PPFIA1: variants seen among roughly 807,000 people sequenced by gnomAD.
PPFIA1 encodes liprin-alpha-1.
PPFIA1 carries 25 observed loss-of-function variants against 149.9 expected under a neutral mutation model. That is an observed-to-expected ratio of 0.17 (90% CI 0.12 to 0.23). The LOEUF (loss-of-function observed/expected upper bound fraction) is 0.23. Ranked by LOEUF, PPFIA1 falls within the 10% of genes least tolerant of loss-of-function variation. PPFIA1 has a pLI of 1.00. For synonymous variants in PPFIA1, 549 were observed against 552.8 expected, an observed-to-expected ratio of 0.99 and a Z score of 0.10; for missense variants, 1,362 against 1,506.5, an observed-to-expected ratio of 0.90 and a Z score of 1.59.
chr11:70,304,246 AG>A (rs1340070751), intron 2 of PPFIA1, among the ~76,000 whole-genome samples: 1 of 152,092 alleles, frequency 6.6e-6, no homozygotes, highest in African/African-American at 2.4e-5. Flanking sequence ...GTGCCCTCAG[AG>A]GGCATGGAAG....
In PPFIA1 at chr11:70,292,800, C is replaced by T. The variant is rs115397095; in HGVS notation, c.264+20364C>T. Among the ~76,000 whole-genome samples the T allele has an allele frequency of 6.0e-3, 913 of 152,276 alleles. 10 individuals are homozygous for T. Among genetic ancestry groups the T allele is most frequent in the African/African-American group, 0.02 (825 of 41,556 alleles). On this transcript the variant is annotated intron_variant, in intron 2 of 27. Coordinates refer to ENST00000253925, the MANE Select transcript of PPFIA1 (RefSeq NM_003626.5). ...TACATGGTAGAGGCTGTATTTGAAT[C>T]CAAGCAGTCTGACTCCAGAGTTCTT...
At chr11:70,293,489 A>G (rs1349284417) in intron 2 of PPFIA1, among the ~76,000 whole-genome samples, 1 of 152,214 alleles carries the variant, frequency 6.6e-6, no homozygotes, top group Non-Finnish European at 1.5e-5. Context: ...AAATAAAACC[A>G]ATGGCTTTGA....
chr11:70,272,424 G>C lies in PPFIA1; in HGVS notation c.252G>C (p.Thr84=). The C allele has an allele frequency of 6.2e-7, 1 of 1,612,484 alleles. No homozygotes were observed. Among genetic ancestry groups the C allele is most frequent in the Non-Finnish European group, 8.5e-7 (1 of 1,178,924 alleles). Residue 84 remains threonine (T), a synonymous_variant, in exon 2 of 28, where the codon ACG becomes ACC. Transcript: ENST00000253925. Reference sequence around the variant, plus strand: ...ATTCCTTGCAGAGACAGCTCAACACGGCACTTCCACAGGTATGAGTGCTTT... The same window carrying C: ...ATTCCTTGCAGAGACAGCTCAACACCGCACTTCCACAGGTATGAGTGCTTT... The part of the protein sequence containing the change: ...ERDSLQRQLN[T]ALPQEFAALT...
chr11:70,367,607 G>A (rs569110532), intron 21 of PPFIA1: 1 of 455,246 alleles, frequency 2.2e-6, no homozygotes, highest in South Asian at 1.5e-5. Context: ...CCAGAAGGCT[G>A]CTAAGGCAGC....
intron 2 of PPFIA1, among the ~76,000 whole-genome samples, chr11:70,288,754 G>T (rs2051322683): frequency 6.6e-6 from 1 of 152,078 alleles, no homozygotes; most frequent in Admixed American, 6.6e-5. Context: ...TTTCAGATTG[G>T]CTCCTGTGTC....
chr11:70,295,709 G>A (rs1260804792), intron 2 of PPFIA1, among the ~76,000 whole-genome samples: 6 of 146,378 alleles, frequency 4.1e-5, no homozygotes, highest in East Asian at 4.4e-4. Flanking sequence ...CCTCCCTCCC[G>A]GACGGGGCGG....
At chr11:70,331,564 G>C (rs2054662083) in intron 8 of PPFIA1, among the ~76,000 whole-genome samples, 1 of 152,152 alleles carries the variant, frequency 6.6e-6, no homozygotes, top group African/African-American at 2.4e-5. Flanking sequence ...TGGATCACTT[G>C]AGGTTAGGAG....
chr11:70,357,634 T>C (rs2056420918), intron 19 of PPFIA1, among the ~76,000 whole-genome samples: 1 of 151,526 alleles, frequency 6.6e-6, no homozygotes, highest in Admixed American at 6.6e-5. Flanking sequence ...TCACCCACGC[T>C]GGAGTGCAGT....
At chr11:70,290,608 A>T (rs1392303860) in intron 2 of PPFIA1, among the ~76,000 whole-genome samples, 1 of 152,220 alleles carries the variant, frequency 6.6e-6, no homozygotes, top group African/African-American at 2.4e-5. Context: ...GGGGAGGTCC[A>T]ACCATGGAGT....
At chr11:70,345,879 C>A in intron 15 of PPFIA1, 1 of 304,072 alleles carries the variant, frequency 3.3e-6, no homozygotes, top group South Asian at 2.5e-5. Flanking sequence ...ACATCAGAGC[C>A]TCACATGTTC....
intron 2 of PPFIA1, among the ~76,000 whole-genome samples, chr11:70,281,074 T>C (rs749814382): frequency 3.3e-5 from 5 of 152,242 alleles, no homozygotes; most frequent in Non-Finnish European, 7.3e-5. Context: ...ATAGTTGACA[T>C]TTGCATCTGA....
At position 70,305,820 on chromosome 11, in the gene PPFIA1, A is replaced by G. The variant is rs188982127; in HGVS notation, c.265-18582A>G. Among the ~76,000 whole-genome samples the G allele has an allele frequency of 6.6e-5, 10 of 152,332 alleles. No homozygotes were observed. The East Asian group carries it at 1.7e-3, about 26-fold the overall frequency. The stretch of plus-strand genomic sequence containing the variant: ...TCAAAATTGGCTTATATTTGGGCAT[A>G]TGTTAGGATACATGTAATGTTTAAG... On this transcript the variant is annotated intron_variant, in intron 2 of 27. Transcript: ENST00000253925.
chr11:70,328,596 G>GT (rs1159428735), intron 7 of PPFIA1, among the ~76,000 whole-genome samples: 1 of 151,972 alleles, frequency 6.6e-6, no homozygotes, highest in Non-Finnish European at 1.5e-5. Context: ...TATATACCCC[G>GT]TAATGGGATT....
chr11:70,343,145 G>A (rs1233491243), intron 14 of PPFIA1, among the ~76,000 whole-genome samples: 3 of 151,782 alleles, frequency 2.0e-5, no homozygotes, highest in East Asian at 1.9e-4. Flanking sequence ...ATGGGGTTTC[G>A]CCATGCTGGC....
chr11:70,366,103 A>G (rs774220971), intron 21 of PPFIA1: 40 of 361,476 alleles, frequency 1.1e-4, no homozygotes, highest in Non-Finnish European at 4.3e-5. Flanking sequence ...ATTGTTAATG[A>G]TTTGAAAGCA....
intron 2 of PPFIA1, among the ~76,000 whole-genome samples, chr11:70,308,278 C>T (rs2053006546): frequency 6.6e-6 from 1 of 152,186 alleles, no homozygotes; most frequent in Non-Finnish European, 1.5e-5. Flanking sequence ...AAACTCCCGA[C>T]CTCAAGTGAT....
At chr11:70,349,363 T>A (rs186102984) in intron 16 of PPFIA1, among the ~76,000 whole-genome samples, 129 of 152,172 alleles carry the variant, frequency 8.5e-4, no homozygotes, top group Non-Finnish European at 1.5e-3. Context: ...GGCATGGTAT[T>A]TCACGCCTGT....
intron 2 of PPFIA1, among the ~76,000 whole-genome samples, chr11:70,310,161 A>G (rs541308042): frequency 6.6e-6 from 1 of 152,344 alleles, no homozygotes; most frequent in African/African-American, 2.4e-5. Context: ...AGGATAATAT[A>G]GTTTCAGAGC....
At chr11:70,347,873 C>T (rs938670301) in intron 15 of PPFIA1, among the ~76,000 whole-genome samples, 3 of 151,934 alleles carry the variant, frequency 2.0e-5, no homozygotes, top group African/African-American at 7.3e-5. Context: ...CATGGTGGCA[C>T]GCGCCTGTAA....
Sources: gnomAD v4.1 joint callset for allele counts (sites outside exome capture counted in the v4.1 genomes callset) on GRCh38, gnomAD v4.1.1 for gene constraint, MANE v1.5 for transcripts, NCBI Gene and HGNC (gene_info 2026-07-23, HGNC 2026-07-21) for gene names.